Variants in GALNT9 observed in about 807,000 individuals in gnomAD.
GALNT9 encodes the protein polypeptide N-acetylgalactosaminyltransferase 9.
Under a neutral mutation model 63.1 loss-of-function variants are expected in GALNT9, and 47 were observed. The observed-to-expected ratio is 0.75, with a 90% confidence interval of 0.59 to 0.95. GALNT9 has a LOEUF of 0.95. Among genes scored for constraint, GALNT9 ranks in the 40% least tolerant of loss-of-function variants. GALNT9 has a pLI of 0.00. For synonymous variants in GALNT9, 396 were observed against 365.7 expected (o/e 1.08, Z -0.94); for missense variants, 829 against 874.8 (o/e 0.95, Z 0.66).
intron 2 of GALNT9, chr12:132,283,499 C>A (rs782310483): frequency 1.3e-5 from 2 of 152,632 alleles, no homozygotes; most frequent in Non-Finnish European, 2.9e-5. Flanking sequence ...TGCCCCGGAA[C>A]CTCCTGCCGG....
At chr12:132,272,565 C>T (rs938619586) in intron 2 of GALNT9, 88 of 152,332 alleles carry the variant, frequency 5.8e-4, no homozygotes, top group African/African-American at 2.0e-3. Flanking sequence ...ACACCTGACA[C>T]TCATCACAAA....
rs797035841 is a variant in GALNT9 at position 132,321,226 on chromosome 12, G to A, written c.238+7740C>T. Among the ~76,000 whole-genome samples, 7 of 28,014 alleles carry A rather than the reference G, an allele frequency of 2.5e-4. No homozygotes were observed. The East Asian group carries it at 8.3e-3, about 33-fold the overall frequency. 18.4% of individuals were successfully genotyped at this position (28,014 alleles called of 152,430 possible). A position where few individuals can be genotyped will look rare whatever the true frequency, so the allele number is the denominator to read the frequency against. On this transcript the variant is annotated intron_variant, in intron 1 of 10. Transcript: ENST00000328957. ...CCAGAGTCGAGGCCCCTGTGGGTCT[G>A]GAGTCGAGGCCCCTGTCGGTCCGGA...
In GALNT9 at chr12:132,306,013, G is replaced by A. The variant is rs543759700; in HGVS notation, c.239-19583C>T. Among the ~76,000 whole-genome samples, 5 of 152,222 alleles carry A rather than the reference G, an allele frequency of 3.3e-5. No individual in the cohort carries two copies. In the East Asian group the frequency reaches 5.8e-4, roughly 18 times the overall value. ...CGGGGCCCACCCTCAGGACAGGGGG[G>A]CTCATGGCGGGGCCCAGACTCAAGA... On this transcript the variant is annotated intron_variant, in intron 1 of 10. Coordinates refer to ENST00000328957, the MANE Select transcript of GALNT9 (RefSeq NM_001122636.2).
chr12:132,211,359 C>T (rs534408509), intron 6 of GALNT9, among the ~76,000 whole-genome samples: 9 of 152,198 alleles, frequency 5.9e-5, no homozygotes, highest in South Asian at 2.1e-4. Context: ...CCTATTTTGA[C>T]GAATAAAGGT....
chr12:132,283,545 C>A (rs1593103405), intron 2 of GALNT9: 1 of 152,410 alleles, frequency 6.6e-6, no homozygotes. Context: ...TTGGCAGCCC[C>A]AGCTGGTCTG....
chr12:132,300,295 T>A lies in GALNT9; in HGVS notation c.239-13865A>T, dbSNP rs868920986. On this transcript the variant is annotated intron_variant, in intron 1 of 10. Transcript: ENST00000328957. ...CACCACACCTAACCCACCCCTGAGA[T>A]GACCAAGCCACTCCTGAGATAACTC... Among the ~76,000 whole-genome samples the A allele has an allele frequency of 1.3e-3, 184 of 139,124 alleles. 1 individual carries two copies. Among genetic ancestry groups the A allele is most frequent in the African/African-American group, 4.9e-3 (181 of 36,802 alleles). The allele number at this position is 139,124 out of a possible 152,430, so 91.3% of individuals were successfully genotyped here.
chr12:132,240,954 G>T (rs1173000680), intron 6 of GALNT9, among the ~76,000 whole-genome samples: 1 of 134,244 alleles, frequency 7.4e-6, no homozygotes, highest in East Asian at 2.3e-4. Context: ...CCCCTTCCCG[G>T]GGCCCTCCCT....
rs1040392349 is a variant in GALNT9, at chr12:132,310,987, C to T, written c.238+17979G>A. On this transcript the variant is annotated intron_variant, in intron 1 of 10. Transcript: ENST00000328957. The surrounding 1 kb of genome is among the most constrained non-coding windows in gnomAD (Gnocchi z 4.8). ...GCGCTGGCAGCCCAAGACAGGGACT[C>T]GGCCGCAGCTAAAGTTTCCCATAAT... 1.3e-5 allele frequency among the ~76,000 whole-genome samples: 2 copies of T among 152,244 alleles called. No individual in the cohort carries two copies. Among genetic ancestry groups the T allele is most frequent in the Non-Finnish European group, 2.9e-5 (2 of 68,044 alleles).
At chr12:132,207,235 G>A (rs1475204478) in intron 6 of GALNT9, among the ~76,000 whole-genome samples, 1 of 152,190 alleles carries the variant, frequency 6.6e-6, no homozygotes, top group Non-Finnish European at 1.5e-5. Flanking sequence ...GTCTCTGCCT[G>A]TCCCTCCCCA....
At position 132,196,535 on chromosome 12, in the gene GALNT9, C is replaced by T; in HGVS notation, c.*572G>A. ...CTGCCTAATCCTCTCTTTATTTGGT[C>T]TCTGCTGAAGCAGTCGTGCCAGCCT... is the stretch of plus-strand genomic sequence containing the variant. On this transcript the variant is annotated 3_prime_UTR_variant, in exon 11 of 11. Coordinates refer to ENST00000328957, the MANE Select transcript of GALNT9 (RefSeq NM_001122636.2). The T allele has an allele frequency of 2.0e-6, 2 of 985,862 alleles. No individual in the cohort carries two copies. Among genetic ancestry groups the T allele is most frequent in the South Asian group, 4.7e-5 (1 of 21,300 alleles). The allele number at this position is 985,862 out of a possible 1,614,324, so 61.1% of individuals were successfully genotyped here.
Position 132,257,819 on chromosome 12 carries a change from T to C in GALNT9, c.829A>G (p.Ile277Val), listed in dbSNP as rs781891889. The C allele has an allele frequency of 3.2e-6, 5 of 1,550,168 alleles. No individual in the cohort carries two copies. In the Admixed American group the frequency reaches 5.9e-5, roughly 18 times the overall value. Residue 277 changes from isoleucine to valine, a missense_variant, in exon 5 of 11, where the codon ATC becomes GTC. Physicochemically the swap from Ile to Val is conservative, Grantham distance 29. Transcript: ENST00000328957. ...TGCACCTCAAACGTGCTGTACTTGATGTTGTCGATGGCTGGCAGCACGATG... is the reference window on the plus strand; with the variant it reads ...TGCACCTCAAACGTGCTGTACTTGACGTTGTCGATGGCTGGCAGCACGATG... ...RRIVLPAIDN[I>V]KYSTFEVQQY...
chr12:132,247,999 C>T lies in GALNT9; in HGVS notation c.988G>A (p.Val330Ile), dbSNP rs782365948. ...TCTCCGAAGTACTCGCGGTCCACTA[C>T]GAAGGAGCAGCCGATCATGGCTGGG... ...RTPAMIGCSF[V>I]VDREYFGDIG... Residue 330 changes from valine (V) to isoleucine (I), a missense_variant, in exon 6 of 11, where the codon GTA becomes ATA. Val to Ile is a conservative substitution (Grantham distance 29). Transcript: ENST00000328957. 1.3e-5 allele frequency: 20 copies of T among 1,551,232 alleles called. No homozygotes were observed. The highest frequency in any genetic ancestry group is 4.9e-5 in the East Asian group (2 of 40,940).
At chr12:132,259,554 G>A (rs375982376) in intron 4 of GALNT9, among the ~76,000 whole-genome samples, 2 of 152,222 alleles carry the variant, frequency 1.3e-5, no homozygotes, top group South Asian at 2.1e-4. Flanking sequence ...GCTGGGGACT[G>A]AGATGCCCCA....
chr12:132,207,888 A>G (rs1210030959), intron 6 of GALNT9, among the ~76,000 whole-genome samples: 2 of 152,188 alleles, frequency 1.3e-5, no homozygotes, highest in East Asian at 3.9e-4. Flanking sequence ...CCTGCAAAAC[A>G]GGGAAAGAAC....
At chr12:132,290,240 G>T (rs189747182) in intron 1 of GALNT9, among the ~76,000 whole-genome samples, 1 of 152,058 alleles carries the variant, frequency 6.6e-6, no homozygotes, top group Non-Finnish European at 1.5e-5. Context: ...TGCCTGCCCC[G>T]TCTGCCCTCA....
Position 132,286,093 on chromosome 12 carries a change from C to T in GALNT9, c.419+157G>A, listed in dbSNP as rs1394261088. Among the ~76,000 whole-genome samples, 3 of 149,926 alleles carry T rather than the reference C, an allele frequency of 2.0e-5. No homozygotes were observed. Among genetic ancestry groups the T allele is most frequent in the Non-Finnish European group, 3.0e-5 (2 of 66,538 alleles). Reference sequence around the variant, plus strand: ...TCCCGGCCAGCGTGGGGGGCGGTCACTTCCCCGGCGGGCGTGGGGGGCGGT... The same window carrying T: ...TCCCGGCCAGCGTGGGGGGCGGTCATTTCCCCGGCGGGCGTGGGGGGCGGT... On this transcript the variant is annotated intron_variant, in intron 2 of 10. Coordinates refer to ENST00000328957, the MANE Select transcript of GALNT9 (RefSeq NM_001122636.2). This position sits in a 1 kb window ranked among gnomAD's most constrained non-coding sequence, Gnocchi z 7.4.
intron 2 of GALNT9, among the ~76,000 whole-genome samples, chr12:132,271,597 A>C (rs982660929): frequency 6.6e-6 from 1 of 151,910 alleles, no homozygotes; most frequent in Non-Finnish European, 1.5e-5. Flanking sequence ...CCCACAAAAC[A>C]CTGGCCTGGC....
chr12:132,277,746 T>C (rs1278142799), intron 2 of GALNT9: 1 of 152,170 alleles, frequency 6.6e-6, no homozygotes, highest in Non-Finnish European at 1.5e-5. Context: ...AAGGGAACCT[T>C]GGGAAATGGG....
intron 1 of GALNT9, among the ~76,000 whole-genome samples, chr12:132,288,258 G>C (rs2135563947): frequency 6.6e-6 from 1 of 152,324 alleles, no homozygotes; most frequent in Middle Eastern, 3.4e-3. Context: ...GAGGCTTTGA[G>C]CCTCCCGGAA....
Sources: allele counts gnomAD v4.1 joint callset (sites outside exome capture counted in the v4.1 genomes callset), GRCh38; gene constraint gnomAD v4.1.1; non-coding constraint Gnocchi (gnomAD v3.1); transcripts MANE v1.5; gene names NCBI Gene and HGNC (gene_info 2026-07-23, HGNC 2026-07-21).